The following PSMD7 variants were observed in gnomAD, a reference collection of about 807,000 sequenced individuals.
PSMD7 encodes 26S proteasome non-ATPase regulatory subunit 7.
A neutral mutation model predicts 36.4 loss-of-function variants in PSMD7; 13 were observed. The ratio of observed to expected loss-of-function variants is 0.36; its 90% CI spans 0.23 to 0.57. PSMD7 has a LOEUF of 0.57. Among genes scored for constraint, PSMD7 ranks in the 20% least tolerant of loss-of-function variants. The pLI, the probability that PSMD7 is intolerant of heterozygous loss-of-function variation, is 0.83. For missense variants in PSMD7, 298 were observed against 393.6 expected (o/e 0.76, Z 2.06); for synonymous variants, 186 against 151.0 (o/e 1.23, Z -1.70).
In PSMD7 at chr16:74,302,264, C is replaced by T. The variant is rs200238995; in HGVS notation, c.410C>T (p.Ala137Val). The change falls in exon 5 of 7, where the codon GCG becomes GTG. Residue 137 changes from alanine (A) to valine (V), a missense_variant. Ala to Val is a moderately conservative substitution (Grantham distance 64). Transcript: ENST00000219313. ...AAGGACCTAGGGCTGCCTACAGAAG[C>T]GTACATTTCAGTGGAAGAAGTCCAT... ...KPKDLGLPTE[A>V]YISVEEVHDD... is the part of the protein sequence containing the mutation. The T allele has an allele frequency of 9.9e-6, 16 of 1,613,904 alleles. No individual in the cohort carries two copies. Among genetic ancestry groups the T allele is most frequent in the Admixed American group, 1.7e-5 (1 of 59,982 alleles).
rs2034144496 is a variant in PSMD7, at chr16:74,300,157, T to C, written c.117T>C (p.Leu39=). The C allele has an allele frequency of 2.5e-6, 4 of 1,614,184 alleles. No homozygotes were observed. In the East Asian group the frequency reaches 8.9e-5, roughly 36 times the overall value. The part of the protein sequence containing the change: ...VGNQKRVVGV[L]LGSWQKKVLD... ...ACCAGAAGCGTGTTGTTGGTGTGCT[T>C]TTGGGGTCATGGCAAAAGAAAGTAC... is the stretch of plus-strand genomic sequence containing the variant. The change falls in exon 2 of 7, where the codon CTT becomes CTC. Residue 39 remains leucine, a synonymous_variant. Coordinates refer to ENST00000219313, the MANE Select transcript of PSMD7 (RefSeq NM_002811.5).
chr16:74,297,749 G>A (rs965608133), intron 1 of PSMD7, among the ~76,000 whole-genome samples: 3 of 144,980 alleles, frequency 2.1e-5, no homozygotes, highest in Non-Finnish European at 3.0e-5. Flanking sequence ...AGTGAATGAT[G>A]CCTGGATGAT....
chr16:74,302,006 A>T lies in PSMD7; in HGVS notation c.358-206A>T, dbSNP rs76745772. 0.02 allele frequency among the ~76,000 whole-genome samples: 3,054 copies of T among 152,292 alleles called. 52 individuals carry two copies. Among genetic ancestry groups the T allele is most frequent in the African/African-American group, 0.048 (1,979 of 41,550 alleles). On this transcript the variant is annotated intron_variant, in intron 4 of 6. Coordinates refer to ENST00000219313, the MANE Select transcript of PSMD7 (RefSeq NM_002811.5). ...CTAATGTCCTTGTGCTAGGCACTGT[A>T]CTGCCCCTCAGCTTATTAATGAAGG...
At chr16:74,304,002 T>C (rs1286597981) in intron 5 of PSMD7, 2 of 242,866 alleles carry the variant, frequency 8.2e-6, no homozygotes, top group Non-Finnish European at 1.6e-5. Context: ...AGCGGTATAC[T>C]TTTAAGAATC....
At chr16:74,303,465 G>A (rs2034171936) in intron 5 of PSMD7, among the ~76,000 whole-genome samples, 1 of 152,126 alleles carries the variant, frequency 6.6e-6, no homozygotes, top group Admixed American at 6.5e-5. Context: ...GAGACGTACA[G>A]CCTCTTCTGG....
intron 1 of PSMD7, among the ~76,000 whole-genome samples, chr16:74,297,432 G>T (rs1436106264): frequency 1.3e-5 from 2 of 151,880 alleles, no homozygotes; most frequent in Non-Finnish European, 1.5e-5. Flanking sequence ...GCTTCATTTG[G>T]CTCTGACCCC....
rs1174403089 is a variant in PSMD7, at chr16:74,305,875, C to T, written c.*142C>T. The T allele has an allele frequency of 5.2e-6, 5 of 969,368 alleles. No homozygotes were observed. The highest frequency in any genetic ancestry group is 1.7e-5 in the African/African-American group (1 of 59,910). 60.0% of individuals were successfully genotyped at this position (969,368 alleles called of 1,614,324 possible). A position where few individuals can be genotyped will look rare whatever the true frequency, so the allele number is the denominator to read the frequency against. On this transcript the variant is annotated 3_prime_UTR_variant, in exon 7 of 7. Transcript: ENST00000219313. ...AGCTCTCTGCCTCCGGTCACTCTTG[C>T]TGTGGTGCTACGTGGAAGTGAATGG...
chr16:74,301,446 A>T lies in PSMD7; in HGVS notation c.260-109A>T, dbSNP rs890742766. On this transcript the variant is annotated intron_variant, in intron 3 of 6. Transcript: ENST00000219313. ...GTACCACCAGGGTAAATATGTCTGGAATTTTCAAAGAGGTAAAGGACATAA... is the reference window on the plus strand; with the variant it reads ...GTACCACCAGGGTAAATATGTCTGGTATTTTCAAAGAGGTAAAGGACATAA... 1.6e-5 allele frequency: 13 copies of T among 799,996 alleles called. No homozygotes were observed. In the Admixed American group the frequency reaches 2.6e-4, roughly 16 times the overall value. 49.6% of individuals were successfully genotyped at this position (799,996 alleles called of 1,614,324 possible).
At chr16:74,299,465 G>A in intron 1 of PSMD7, 2 of 405,842 alleles carry the variant, frequency 4.9e-6, no homozygotes, top group Middle Eastern at 3.7e-4. Flanking sequence ...CCTCAAACTC[G>A]ACCTTCTGAG....
In PSMD7 at chr16:74,301,556, C is replaced by T; in HGVS notation, c.261C>T (p.Ala87=). The T allele has an allele frequency of 6.2e-7, 1 of 1,609,318 alleles. No homozygotes were observed. Among genetic ancestry groups the T allele is most frequent in the East Asian group, 2.2e-5 (1 of 44,846 alleles). The change falls in exon 4 of 7, where the codon GCC becomes GCT. Residue 87 remains alanine, a splice_region_variant and synonymous_variant. Transcript: ENST00000219313. ...NMYGMFKKVN[A]RERIVGWYHT... is the part of the protein sequence containing the mutation. ...CCTGCTAATTTTTTTCCTTCCTAGC[C>T]AGGGAAAGAATAGTTGGCTGGTACC...
intron 3 of PSMD7, 87 bp from the exon 4 acceptor site, chr16:74,301,468 A>T (rs1009145345): frequency 1.0e-6 from 1 of 1,001,376 alleles, no homozygotes; most frequent in African/African-American, 1.6e-5. Flanking sequence ...GGTAAAGGAC[A>T]TAACTACTGA....
intron 1 of PSMD7, 53 bp downstream of exon 1, chr16:74,297,041 G>A: frequency 1.3e-6 from 2 of 1,578,824 alleles, no homozygotes; most frequent in Non-Finnish European, 1.7e-6. Context: ...CTGAGTCACG[G>A]GCACGCTGGA....
At chr16:74,302,638 G>A (rs945933840) in intron 5 of PSMD7, among the ~76,000 whole-genome samples, 1 of 152,128 alleles carries the variant, frequency 6.6e-6, no homozygotes, top group African/African-American at 2.4e-5. Context: ...AGCTACTCAG[G>A]AGGCTGAGAC....
intron 2 of PSMD7, chr16:74,300,492 C>G (rs1486986422): frequency 2.3e-6 from 1 of 426,864 alleles, no homozygotes; most frequent in African/African-American, 2.0e-5. Flanking sequence ...CAGCAAACCT[C>G]TATAAAAACA....
chr16:74,298,356 T>G (rs1371881816), intron 1 of PSMD7, among the ~76,000 whole-genome samples: 1 of 152,152 alleles, frequency 6.6e-6, no homozygotes, highest in Non-Finnish European at 1.5e-5. Context: ...TTGGCAAATG[T>G]AAAGACCCAG....
chr16:74,305,301 C>G lies in PSMD7; in HGVS notation c.543C>G (p.Asp181Glu), dbSNP rs2034186542. The change falls in exon 7 of 7, where the codon GAC becomes GAG. Residue 181 changes from aspartate to glutamate, a missense_variant. Asp to Glu is a conservative substitution (Grantham distance 45, BLOSUM62 2). Transcript: ENST00000219313. ...GVEHLLRDIK[D>E]TTVGTLSQRI... ...TGGGTTATTACAGAGATATCAAAGA[C>G]ACGACGGTGGGCACTCTGTCCCAGC... The G allele has an allele frequency of 1.2e-6, 2 of 1,609,674 alleles. No individual in the cohort carries two copies. The highest frequency in any genetic ancestry group is 1.7e-6 in the Non-Finnish European group (2 of 1,177,520).
At chr16:74,300,058 T>G in intron 1 of PSMD7, 57 bp from the exon 2 acceptor site, 1 of 1,424,766 alleles carries the variant, frequency 7.0e-7, no homozygotes, top group South Asian at 1.1e-5. Context: ...TATCTTATTG[T>G]TGGGTTCATG....
chr16:74,301,603 A>C lies in PSMD7; in HGVS notation c.308A>C (p.Lys103Thr). Reference sequence around the variant, plus strand: ...TACCACACAGGCCCTAAACTACACAAGAATGACATTGCCATCAACGAACTC... The same window carrying C: ...TACCACACAGGCCCTAAACTACACACGAATGACATTGCCATCAACGAACTC... ...GWYHTGPKLH[K>T]NDIAINELMK... is the part of the protein sequence containing the mutation. The change falls in exon 4 of 7, where the codon AAG becomes ACG. Residue 103 changes from lysine to threonine, a missense_variant. Physicochemically the swap from Lys to Thr is moderately conservative, Grantham distance 78. Coordinates refer to ENST00000219313, the MANE Select transcript of PSMD7 (RefSeq NM_002811.5). 1 of 1,613,998 alleles carries C rather than the reference A, an allele frequency of 6.2e-7. No homozygotes were observed. The highest frequency in any genetic ancestry group is 8.5e-7 in the Non-Finnish European group (1 of 1,179,854).
chr16:74,305,354 A>G lies in PSMD7; in HGVS notation c.596A>G (p.Lys199Arg). 4 of 1,614,150 alleles carry G rather than the reference A, an allele frequency of 2.5e-6. No individual in the cohort carries two copies. Among genetic ancestry groups the G allele is most frequent in the Non-Finnish European group, 3.4e-6 (4 of 1,180,038 alleles). The change falls in exon 7 of 7, where the codon AAG becomes AGG. Residue 199 changes from lysine (K) to arginine (R), a missense_variant. By Grantham distance (26) the Lys-to-Arg change is conservative (BLOSUM62 2). Coordinates refer to ENST00000219313, the MANE Select transcript of PSMD7 (RefSeq NM_002811.5). ...ATCACAAACCAGGTCCATGGTTTGA[A>G]GGGACTGAACTCCAAGCTTCTGGAT... ...QRITNQVHGL[K>R]GLNSKLLDIR...
Sources: gnomAD v4.1 joint callset for allele counts (sites outside exome capture counted in the v4.1 genomes callset) on GRCh38, gnomAD v4.1.1 for gene constraint, MANE v1.5 for transcripts, NCBI Gene and HGNC (gene_info 2026-07-23, HGNC 2026-07-21) for gene names.